The following RBMS3 variants were observed in gnomAD, a reference collection of about 807,000 sequenced individuals.
RBMS3 encodes the protein RNA binding motif single stranded interacting protein 3.
In RBMS3, 27 loss-of-function variants were observed where a neutral mutation model predicts 66.8. The observed-to-expected ratio is 0.40, with a 90% CI of 0.30 to 0.56. The LOEUF is 0.56. Among genes scored for constraint, RBMS3 ranks in the 20% least tolerant of loss-of-function variants. The probability of loss-of-function intolerance (pLI) is 0.40; values close to 1 mark genes in which losing one functional copy is unlikely to be tolerated. For missense variants in RBMS3, 513 were observed against 549.5 expected (o/e 0.93, Z 0.66); for synonymous variants, 188 against 183.0 (o/e 1.03, Z -0.22).
At chr3:29,486,472 A>G (rs1259497635) in intron 2 of RBMS3, among the ~76,000 whole-genome samples, 1 of 152,130 alleles carries the variant, frequency 6.6e-6, no homozygotes, top group African/African-American at 2.4e-5. Flanking sequence ...AAATCAAGAA[A>G]TAGTATGGTT....
At chr3:29,414,116 C>A (rs1413427424) in intron 1 of RBMS3, among the ~76,000 whole-genome samples, 1 of 152,138 alleles carries the variant, frequency 6.6e-6, no homozygotes, top group African/African-American at 2.4e-5. Context: ...TAACTTGTGT[C>A]CTTTCTAATC....
intron 3 of RBMS3, among the ~76,000 whole-genome samples, chr3:29,551,932 A>G (rs1437911223): frequency 1.3e-5 from 2 of 152,196 alleles, no homozygotes; most frequent in African/African-American, 4.8e-5. Flanking sequence ...GTACCTGCTG[A>G]ACCTAATGTT....
At chr3:29,672,530 T>A (rs1191279436) in intron 4 of RBMS3, among the ~76,000 whole-genome samples, 1 of 152,162 alleles carries the variant, frequency 6.6e-6, no homozygotes, top group Non-Finnish European at 1.5e-5. Flanking sequence ...GTGTGCTATA[T>A]TCAGGAGACC....
intron 12 of RBMS3, among the ~76,000 whole-genome samples, chr3:29,964,033 C>G (rs1380753162): frequency 3.9e-5 from 6 of 152,054 alleles, no homozygotes; most frequent in African/African-American, 7.2e-5. Context: ...TTTATTGGAA[C>G]ACATCTTCCA....
chr3:29,930,536 T>C (rs72848097), intron 10 of RBMS3, among the ~76,000 whole-genome samples: 8,659 of 152,072 alleles, frequency 0.057, 630 homozygotes, highest in African/African-American at 0.18. Context: ...CTGGGTTTGC[T>C]GGATAATTAT....
intron 1 of RBMS3, among the ~76,000 whole-genome samples, chr3:29,322,411 C>A (rs1333519203): frequency 6.6e-6 from 1 of 151,956 alleles, no homozygotes; most frequent in Non-Finnish European, 1.5e-5. Flanking sequence ...CAATAATATT[C>A]TGGGGCCTAT....
chr3:29,519,608 A>T (rs1212461916), intron 3 of RBMS3, among the ~76,000 whole-genome samples: 2 of 152,136 alleles, frequency 1.3e-5, no homozygotes, highest in African/African-American at 4.8e-5. Flanking sequence ...ATTGACTGGC[A>T]GTTCTTTTGC....
intron 1 of RBMS3, among the ~76,000 whole-genome samples, chr3:29,416,214 G>T (rs1308152214): frequency 6.6e-6 from 1 of 152,150 alleles, no homozygotes; most frequent in East Asian, 1.9e-4. Context: ...TGGTGTGTGG[G>T]AGAGGTGGAG....
intron 4 of RBMS3, among the ~76,000 whole-genome samples, chr3:29,622,558 A>G (rs1477018707): frequency 6.6e-6 from 1 of 152,264 alleles, no homozygotes; most frequent in Non-Finnish European, 1.5e-5. Context: ...GAAATGTACA[A>G]TAAAATTGGC....
chr3:29,916,754 G>A (rs2060648388), intron 10 of RBMS3, among the ~76,000 whole-genome samples: 1 of 151,814 alleles, frequency 6.6e-6, no homozygotes, highest in Non-Finnish European at 1.5e-5. Context: ...AAATGTATGT[G>A]TATTTGAAAA....
intron 4 of RBMS3, among the ~76,000 whole-genome samples, chr3:29,670,387 C>T (rs925229615): frequency 1.3e-5 from 2 of 152,168 alleles, no homozygotes; most frequent in African/African-American, 4.8e-5. Context: ...GTACTGGGTT[C>T]ATCTCACTGG....
At chr3:29,545,984 A>G (rs1467842247) in intron 3 of RBMS3, among the ~76,000 whole-genome samples, 1 of 150,908 alleles carries the variant, frequency 6.6e-6, no homozygotes. Flanking sequence ...AGTTTTTCCA[A>G]GGAAAACTTT....
chr3:29,788,771 G>T (rs2056910237), intron 6 of RBMS3, among the ~76,000 whole-genome samples: 1 of 152,010 alleles, frequency 6.6e-6, no homozygotes, highest in Non-Finnish European at 1.5e-5. Context: ...GTACTTGCTA[G>T]GTAATATAGT....
At chr3:29,868,139 T>A (rs2059404356) in intron 6 of RBMS3, among the ~76,000 whole-genome samples, 1 of 152,188 alleles carries the variant, frequency 6.6e-6, no homozygotes, top group South Asian at 2.1e-4. Flanking sequence ...GGAAGAGAAG[T>A]TCAGACATCA....
chr3:29,482,701 CTTTTTTTTTTTTTT>C, intron 2 of RBMS3, among the ~76,000 whole-genome samples: 2 of 77,506 alleles, frequency 2.6e-5, no homozygotes, highest in South Asian at 5.9e-4. Context: ...TTCTTTCTTT[CTTTTTTTTTTTTTT>C]TTTTTTTTTT....
chr3:29,815,798 GA>G (rs1267368886), intron 6 of RBMS3, among the ~76,000 whole-genome samples: 5 of 152,022 alleles, frequency 3.3e-5, no homozygotes, highest in Non-Finnish European at 5.9e-5. Flanking sequence ...AGAAGGGTGG[GA>G]GGGGGTAAGG....
chr3:29,924,174 T>A (rs911142258), intron 10 of RBMS3, among the ~76,000 whole-genome samples: 1 of 152,144 alleles, frequency 6.6e-6, no homozygotes, highest in Non-Finnish European at 1.5e-5. Flanking sequence ...GGTAAGGAAA[T>A]GGTTGCCATT....
intron 2 of RBMS3, among the ~76,000 whole-genome samples, chr3:29,471,362 T>C (rs969500717): frequency 1.3e-5 from 2 of 152,202 alleles, no homozygotes; most frequent in African/African-American, 4.8e-5. Flanking sequence ...TCATTTAATG[T>C]TAAGGAAAGT....
At chr3:29,496,991 C>T (rs184439955) in intron 3 of RBMS3, among the ~76,000 whole-genome samples, 2 of 151,880 alleles carry the variant, frequency 1.3e-5, no homozygotes, top group Non-Finnish European at 2.9e-5. Flanking sequence ...ACATGCAGAA[C>T]GTGCAGAAAT....
Sources: allele counts gnomAD v4.1 joint callset (sites outside exome capture counted in the v4.1 genomes callset), GRCh38; gene constraint gnomAD v4.1.1; transcripts MANE v1.5; gene names NCBI Gene and HGNC (gene_info 2026-07-23, HGNC 2026-07-21).